Variants in GRM5 observed in about 807,000 individuals in gnomAD.
GRM5 encodes the protein metabotropic glutamate receptor 5.
GRM5 carries 19 observed loss-of-function variants against 83.1 expected under a neutral mutation model. The observed-to-expected ratio is 0.23, with a 90% CI of 0.16 to 0.34. The LOEUF (loss-of-function observed/expected upper bound fraction) is 0.34. Among genes scored for constraint, GRM5 ranks in the 10% least tolerant of loss-of-function variants. GRM5 has a pLI of 1.00. For synonymous variants in GRM5, 675 were observed against 633.6 expected (o/e 1.07, Z -0.98); for missense variants, 1,160 against 1,588.3 (o/e 0.73, Z 4.58).
intron 2 of GRM5, among the ~76,000 whole-genome samples, chr11:89,029,933 A>G (rs1418341449): frequency 1.3e-5 from 2 of 152,162 alleles, no homozygotes; most frequent in Non-Finnish European, 2.9e-5. Context: ...TAGATGTCAT[A>G]TTACACAACA....
At chr11:88,915,131 T>C (rs1416337323) in intron 2 of GRM5, among the ~76,000 whole-genome samples, 1 of 151,992 alleles carries the variant, frequency 6.6e-6, no homozygotes, top group East Asian at 1.9e-4. Context: ...CTACTCTTTG[T>C]AGAATAAAAA....
chr11:88,822,095 T>C (rs4564335), intron 3 of GRM5, among the ~76,000 whole-genome samples: 40,729 of 152,092 alleles, frequency 0.27, 5,871 homozygotes, highest in South Asian at 0.54. Flanking sequence ...TGACTTCATA[T>C]ACCACATATT....
intron 2 of GRM5, among the ~76,000 whole-genome samples, chr11:88,978,024 A>G (rs1307418570): frequency 2.6e-5 from 4 of 152,208 alleles, no homozygotes; most frequent in Admixed American, 1.3e-4. Flanking sequence ...TTTATTGGGT[A>G]TCATATAGAA....
At chr11:88,941,934 A>G (rs954463894) in intron 2 of GRM5, among the ~76,000 whole-genome samples, 4 of 152,066 alleles carry the variant, frequency 2.6e-5, no homozygotes, top group African/African-American at 9.7e-5. Flanking sequence ...GGACTTTTCA[A>G]ATAATTCAAT....
At chr11:88,866,099 C>A (rs560070263) in intron 2 of GRM5, among the ~76,000 whole-genome samples, 24 of 152,114 alleles carry the variant, frequency 1.6e-4, no homozygotes, top group Non-Finnish European at 5.9e-5. Context: ...TATAAAGACA[C>A]ATTCACACAT....
intron 3 of GRM5, among the ~76,000 whole-genome samples, chr11:88,771,499 G>A (rs566922620): frequency 1.3e-5 from 2 of 152,206 alleles, no homozygotes; most frequent in South Asian, 2.1e-4. Context: ...GAACAGATGG[G>A]AGCATGTAGC....
intron 2 of GRM5, among the ~76,000 whole-genome samples, chr11:88,920,678 TC>T (rs1468639587): frequency 1.3e-5 from 2 of 152,158 alleles, no homozygotes; most frequent in African/African-American, 4.8e-5. Context: ...GCAAAAATCC[TC>T]AACAAAATAC....
Position 89,065,839 on chromosome 11 carries a change from G to C in GRM5, c.-264C>G, listed in dbSNP as rs1942089389. On this transcript the variant is annotated 5_prime_UTR_variant, in exon 1 of 10. Coordinates refer to ENST00000305447, the MANE Select transcript of GRM5 (RefSeq NM_001143831.3). ...CTCCTCGAGGGCTTCCTGCGCTCTC[G>C]TAGCGGCCTTGGCTGCAGCTGGAGC... The C allele has an allele frequency of 6.6e-6, 1 of 152,256 alleles. No individual in the cohort carries two copies. The highest frequency in any genetic ancestry group is 1.5e-5 in the Non-Finnish European group (1 of 68,056). The allele number at this position is 152,256 out of a possible 1,614,324, so 9.4% of individuals were successfully genotyped here.
chr11:88,748,729 C>T (rs1486481564), intron 3 of GRM5, among the ~76,000 whole-genome samples: 1 of 152,044 alleles, frequency 6.6e-6, no homozygotes, highest in South Asian at 2.1e-4. Flanking sequence ...GACCAAGCTT[C>T]CAGAAAAGAC....
chr11:88,705,319 GA>G (rs767902365), intron 3 of GRM5, among the ~76,000 whole-genome samples: 6 of 151,952 alleles, frequency 3.9e-5, no homozygotes, highest in Non-Finnish European at 5.9e-5. Context: ...TTGGTATTTT[GA>G]AAAATCTCCC....
intron 3 of GRM5, among the ~76,000 whole-genome samples, chr11:88,712,559 T>C (rs1941306451): frequency 1.3e-5 from 2 of 152,022 alleles, no homozygotes; most frequent in Non-Finnish European, 2.9e-5. Flanking sequence ...CTTACTTGCA[T>C]GGAAATAAGG....
chr11:88,711,856 GAC>G (rs1241079856), intron 3 of GRM5, among the ~76,000 whole-genome samples: 1 of 152,044 alleles, frequency 6.6e-6, no homozygotes, highest in African/African-American at 2.4e-5. Context: ...CAGAGAGAGA[GAC>G]AGAGAGAGAG....
At chr11:88,692,654 A>T (rs1337709940) in intron 3 of GRM5, among the ~76,000 whole-genome samples, 1 of 152,218 alleles carries the variant, frequency 6.6e-6, no homozygotes, top group Non-Finnish European at 1.5e-5. Flanking sequence ...AGTCATTTGG[A>T]ATAAAACTGT....
At chr11:88,995,328 C>T (rs975070109) in intron 2 of GRM5, among the ~76,000 whole-genome samples, 5 of 151,810 alleles carry the variant, frequency 3.3e-5, no homozygotes, top group African/African-American at 1.2e-4. Context: ...AGGTGGATCA[C>T]AAGGTCAGGA....
At chr11:88,850,196 G>A (rs1042628959) in intron 2 of GRM5, 41 bp from the exon 3 acceptor site, 7 of 870,742 alleles carry the variant, frequency 8.0e-6, no homozygotes, top group Non-Finnish European at 9.5e-6. Flanking sequence ...AGTGAAATGA[G>A]AGTGTTGCAT....
chr11:89,019,915 T>C (rs1381562616), intron 2 of GRM5, among the ~76,000 whole-genome samples: 1 of 152,140 alleles, frequency 6.6e-6, no homozygotes, highest in African/African-American at 2.4e-5. Context: ...AGGCCCCTCT[T>C]ATTATGATTT....
intron 2 of GRM5, among the ~76,000 whole-genome samples, chr11:89,036,360 T>C (rs544484069): frequency 1.2e-4 from 18 of 152,256 alleles, no homozygotes; most frequent in Non-Finnish European, 2.4e-4. Flanking sequence ...CATATATTGG[T>C]AACTTTCCTG....
chr11:89,002,214 A>G (rs1238235475), intron 2 of GRM5, among the ~76,000 whole-genome samples: 1 of 152,186 alleles, frequency 6.6e-6, no homozygotes, highest in African/African-American at 2.4e-5. Context: ...AGTAATGGTA[A>G]TTAATAATTC....
At chr11:89,002,161 T>A (rs1446753664) in intron 2 of GRM5, among the ~76,000 whole-genome samples, 2 of 152,138 alleles carry the variant, frequency 1.3e-5, no homozygotes, top group Non-Finnish European at 2.9e-5. Context: ...TTTTGGCATG[T>A]TTTCCAAACA....
Sources: gnomAD v4.1 joint callset for allele counts (sites outside exome capture counted in the v4.1 genomes callset) on GRCh38, gnomAD v4.1.1 for gene constraint, MANE v1.5 for transcripts, NCBI Gene and HGNC (gene_info 2026-07-23, HGNC 2026-07-21) for gene names.